The following DOCK1 variants were observed in gnomAD, a reference collection of about 807,000 sequenced individuals.
DOCK1 encodes the protein dedicator of cytokinesis protein 1.
DOCK1 carries 138 observed loss-of-function variants against 262.7 expected under a neutral mutation model. The ratio of observed to expected loss-of-function variants is 0.53; its 90% confidence interval spans 0.46 to 0.61. The LOEUF (loss-of-function observed/expected upper bound fraction) is 0.61. Among genes scored for constraint, DOCK1 ranks in the 20% least tolerant of loss-of-function variants. The pLI is 0.00. For missense variants in DOCK1, 1,908 were observed against 2,370.7 expected (o/e 0.80, Z 4.05); for synonymous variants, 866 against 867.4 (o/e 1.00, Z 0.03).
chr10:127,355,076 C>T (rs1364288404), intron 32 of DOCK1, among the ~76,000 whole-genome samples: 1 of 152,018 alleles, frequency 6.6e-6, no homozygotes, highest in Non-Finnish European at 1.5e-5. Flanking sequence ...GTGACATTTG[C>T]CATCACTTAC....
intron 6 of DOCK1, among the ~76,000 whole-genome samples, chr10:126,990,832 A>C (rs1012341419): frequency 3.3e-5 from 5 of 152,212 alleles, no homozygotes; most frequent in African/African-American, 1.2e-4. Flanking sequence ...GGATAGAGTC[A>C]AGAAGCCAGG....
chr10:127,065,102 C>T (rs998587303), intron 23 of DOCK1, among the ~76,000 whole-genome samples: 1 of 152,158 alleles, frequency 6.6e-6, no homozygotes, highest in Non-Finnish European at 1.5e-5. Flanking sequence ...CTCTGCCTTC[C>T]CGGTTCAAGT....
At chr10:127,051,159 A>G (rs979763693) in intron 21 of DOCK1, among the ~76,000 whole-genome samples, 1 of 151,988 alleles carries the variant, frequency 6.6e-6, no homozygotes, top group Non-Finnish European at 1.5e-5. Context: ...TTATCATGGA[A>G]AAGATTTTAA....
intron 23 of DOCK1, among the ~76,000 whole-genome samples, chr10:127,073,189 C>A (rs1201605231): frequency 3.9e-5 from 6 of 152,222 alleles, no homozygotes. Context: ...AAAGGTATTG[C>A]ATGCTTATAG....
chr10:127,240,484 C>T (rs895010778), intron 27 of DOCK1, among the ~76,000 whole-genome samples: 3 of 151,914 alleles, frequency 2.0e-5, no homozygotes, highest in Non-Finnish European at 4.4e-5. Flanking sequence ...GAATGGACAC[C>T]CATTTTCCGG....
chr10:127,082,777 C>G (rs564000126), intron 23 of DOCK1, among the ~76,000 whole-genome samples: 1 of 152,100 alleles, frequency 6.6e-6, no homozygotes, highest in Non-Finnish European at 1.5e-5. Flanking sequence ...GTCTCCTTTC[C>G]CCGTGCCCCA....
intron 26 of DOCK1, 121 bp from the exon 27 acceptor site, chr10:127,127,548 A>G: frequency 1.6e-6 from 1 of 620,626 alleles, no homozygotes; most frequent in Non-Finnish European, 2.5e-6. Flanking sequence ...GCCATTTTTC[A>G]TCTCATTAAG....
At chr10:127,039,525 T>G (rs1202052749) in intron 19 of DOCK1, among the ~76,000 whole-genome samples, 4 of 152,222 alleles carry the variant, frequency 2.6e-5, no homozygotes, top group Non-Finnish European at 5.9e-5. Context: ...CCTTTCTTCC[T>G]GTGCGTGCTG....
At chr10:126,949,169 C>G (rs1332373151) in intron 1 of DOCK1, among the ~76,000 whole-genome samples, 5 of 152,028 alleles carry the variant, frequency 3.3e-5, no homozygotes, top group Admixed American at 1.3e-4. Context: ...TGATCCATCT[C>G]CATTGATTCC....
chr10:127,169,950 C>T (rs1165679306), intron 27 of DOCK1, among the ~76,000 whole-genome samples: 1 of 152,030 alleles, frequency 6.6e-6, no homozygotes, highest in Non-Finnish European at 1.5e-5. Flanking sequence ...TCTTGAACAC[C>T]ACCGTAAGCG....
chr10:127,140,613 GTC>G (rs1435405007), intron 27 of DOCK1, among the ~76,000 whole-genome samples: 2 of 152,272 alleles, frequency 1.3e-5, no homozygotes, highest in South Asian at 4.1e-4. Context: ...AGCACACCAA[GTC>G]TCTCGGTTGA....
intron 38 of DOCK1, among the ~76,000 whole-genome samples, chr10:127,399,495 G>T (rs2067098888): frequency 6.6e-6 from 1 of 152,134 alleles, no homozygotes; most frequent in Admixed American, 6.5e-5. Flanking sequence ...TAGCAGGGAG[G>T]GATGAGAGAT....
In DOCK1 at chr10:127,188,389, T is replaced by C. The variant is rs552937013; in HGVS notation, c.2848-59619T>C. On this transcript the variant is annotated intron_variant, in intron 27 of 51. Transcript: ENST00000623213. Reference sequence around the variant, plus strand: ...TAGGGCATATTCACACTTTTTTTTATGTATATATATTTCTGGTTGGAGACG... The same window carrying C: ...TAGGGCATATTCACACTTTTTTTTACGTATATATATTTCTGGTTGGAGACG... Among the ~76,000 whole-genome samples the C allele has an allele frequency of 1.7e-4, 26 of 152,192 alleles. 1 individual carries two copies. Among genetic ancestry groups the C allele is most frequent in the Non-Finnish European group, 3.5e-4 (24 of 68,034 alleles).
intron 33 of DOCK1, among the ~76,000 whole-genome samples, chr10:127,363,967 G>T (rs2064744959): frequency 6.6e-6 from 1 of 152,220 alleles, no homozygotes; most frequent in Non-Finnish European, 1.5e-5. Context: ...AGAAAGGCGT[G>T]TTGTGAGAAT....
At chr10:127,301,832 G>A (rs1167377930) in intron 29 of DOCK1, among the ~76,000 whole-genome samples, 2 of 151,780 alleles carry the variant, frequency 1.3e-5, no homozygotes, top group Non-Finnish European at 2.9e-5. Context: ...TGTAGTCCCA[G>A]CTACTCGGGA....
intron 1 of DOCK1, among the ~76,000 whole-genome samples, chr10:126,957,749 G>A (rs879032076): frequency 0.15 from 22,528 of 152,062 alleles, 2,341 homozygotes; most frequent in East Asian, 0.56. Flanking sequence ...CAAAGTGCTG[G>A]TTTTACAGGT....
rs565803368 is a variant in DOCK1 at position 127,318,515 on chromosome 10, G to C, written c.3045-20491G>C. 1.1e-4 allele frequency among the ~76,000 whole-genome samples: 16 copies of C among 152,300 alleles called. No homozygotes were observed. The South Asian group carries it at 1.5e-3, about 14-fold the overall frequency. On this transcript the variant is annotated intron_variant, in intron 29 of 51. Transcript: ENST00000623213. ...AGGCAGCAGCATGTGCAAGGATGGG[G>C]GCCCAGCACTGGGTTCATCCTACAA...
intron 29 of DOCK1, among the ~76,000 whole-genome samples, chr10:127,321,339 C>T (rs945325053): frequency 7.6e-6 from 1 of 132,404 alleles, no homozygotes; most frequent in South Asian, 2.5e-4. Flanking sequence ...CCTCTATCCT[C>T]CCTTCTCTCG....
At chr10:126,951,772 G>T (rs950021386) in intron 1 of DOCK1, among the ~76,000 whole-genome samples, 1 of 151,930 alleles carries the variant, frequency 6.6e-6, no homozygotes, top group Non-Finnish European at 1.5e-5. Flanking sequence ...ATGGAAACAC[G>T]CTGTGACAGG....
Sources: allele counts gnomAD v4.1 joint callset (sites outside exome capture counted in the v4.1 genomes callset), GRCh38; gene constraint gnomAD v4.1.1; transcripts MANE v1.5; gene names NCBI Gene and HGNC (gene_info 2026-07-23, HGNC 2026-07-21).